CNTN3: variants seen among roughly 807,000 people sequenced by gnomAD.
CNTN3 encodes the protein contactin 3.
A neutral mutation model predicts 119.1 loss-of-function variants in CNTN3; 60 were observed. That is an observed-to-expected ratio of 0.50 (90% confidence interval 0.41 to 0.62). The LOEUF (loss-of-function observed/expected upper bound fraction) is 0.62. Ranked by LOEUF, CNTN3 falls within the 20% of genes least tolerant of loss-of-function variation. The probability of loss-of-function intolerance (pLI) is 0.00; values close to 1 mark genes in which losing one functional copy is unlikely to be tolerated. For missense variants in CNTN3, 1,101 were observed against 1,242.4 expected (o/e 0.89, Z 1.71); for synonymous variants, 450 against 438.7 (o/e 1.03, Z -0.32).
At chr3:74,325,592 T>C (rs1280258379) in intron 13 of CNTN3, among the ~76,000 whole-genome samples, 1 of 152,106 alleles carries the variant, frequency 6.6e-6, no homozygotes, top group African/African-American at 2.4e-5. Flanking sequence ...GGAATATAAA[T>C]AGCTGCAGCT....
chr3:74,381,023 T>A (rs2106810012), intron 5 of CNTN3, among the ~76,000 whole-genome samples: 1 of 151,880 alleles, frequency 6.6e-6, no homozygotes, highest in South Asian at 2.1e-4. Context: ...CCAGGGACAA[T>A]GAACGACTCC....
At position 74,571,220 on chromosome 3, in the gene CNTN3, C is replaced by T. The variant is rs559318226; in HGVS notation, c.-81+43171G>A. 2.5e-3 allele frequency among the ~76,000 whole-genome samples: 385 copies of T among 152,282 alleles called. 2 individuals carry two copies. The highest frequency in any genetic ancestry group is 9.1e-3 in the African/African-American group (376 of 41,544). Reference sequence around the variant, plus strand: ...AGTGTTGAATATCATTTCTGCACATCATAAGCATCACCGTACTGCAGATAG... The same window carrying T: ...AGTGTTGAATATCATTTCTGCACATTATAAGCATCACCGTACTGCAGATAG... On this transcript the variant is annotated intron_variant, in intron 1 of 22. Coordinates refer to ENST00000263665, the MANE Select transcript of CNTN3 (RefSeq NM_020872.3).
At chr3:74,317,696 T>A (rs1101687) in intron 13 of CNTN3, among the ~76,000 whole-genome samples, 10 of 151,986 alleles carry the variant, frequency 6.6e-5, no homozygotes, top group Non-Finnish European at 1.3e-4. Flanking sequence ...AGAGTTTCTG[T>A]GGAGAGATCA....
intron 1 of CNTN3, among the ~76,000 whole-genome samples, chr3:74,600,816 A>AT (rs1704898035): frequency 1.3e-5 from 2 of 152,104 alleles, no homozygotes; most frequent in South Asian, 4.2e-4. Context: ...GCCAGGCCAG[A>AT]TTTTTTCAAC....
rs1702861262 is a variant in CNTN3 at position 74,486,505 on chromosome 3, T to A, written c.309A>T (p.Thr103=). 1.2e-6 allele frequency: 2 copies of A among 1,607,148 alleles called. No individual in the cohort carries two copies. Among genetic ancestry groups the A allele is most frequent in the South Asian group, 1.1e-5 (1 of 89,066 alleles). ...WDTGTYQCFA[T]NSLGTIVSRE... ...TGCTGACAATTGTTCCAAGTGAATT[T>A]GTTGCAAAACATTGGTAAGTTCCTG... Residue 103 remains threonine, a synonymous_variant, in exon 4 of 23, where the codon ACA becomes ACT. Transcript: ENST00000263665.
intron 19 of CNTN3, among the ~76,000 whole-genome samples, chr3:74,294,079 G>A (rs535362223): frequency 6.6e-6 from 1 of 152,294 alleles, no homozygotes; most frequent in South Asian, 2.1e-4. Flanking sequence ...GTTGGCAAGT[G>A]GAGGGGTATG....
At chr3:74,338,967 G>A (rs1275043863) in intron 11 of CNTN3, among the ~76,000 whole-genome samples, 4 of 151,952 alleles carry the variant, frequency 2.6e-5, no homozygotes, top group Non-Finnish European at 5.9e-5. Flanking sequence ...AGTGTGAAAT[G>A]CCTCCCATAA....
At chr3:74,510,754 G>A (rs1399581142) in intron 2 of CNTN3, among the ~76,000 whole-genome samples, 1 of 152,024 alleles carries the variant, frequency 6.6e-6, no homozygotes, top group Non-Finnish European at 1.5e-5. Flanking sequence ...CCAAATCTAT[G>A]AGAAATCATT....
chr3:74,308,894 A>G (rs1559695091), intron 13 of CNTN3, among the ~76,000 whole-genome samples: 1 of 152,190 alleles, frequency 6.6e-6, no homozygotes. Flanking sequence ...GCTCACCAAA[A>G]TAATAGTTAC....
At chr3:74,542,226 T>C (rs1703851851) in intron 1 of CNTN3, among the ~76,000 whole-genome samples, 1 of 152,052 alleles carries the variant, frequency 6.6e-6, no homozygotes, top group Admixed American at 6.6e-5. Flanking sequence ...AAAAATAAAA[T>C]AATTTTTTAA....
At chr3:74,359,904 A>C (rs1283012811) in intron 11 of CNTN3, among the ~76,000 whole-genome samples, 1 of 152,214 alleles carries the variant, frequency 6.6e-6, no homozygotes, top group African/African-American at 2.4e-5. Flanking sequence ...CATAGCCAAA[A>C]TTAACTAGTT....
intron 19 of CNTN3, among the ~76,000 whole-genome samples, chr3:74,289,937 G>A (rs963039938): frequency 3.3e-5 from 5 of 152,162 alleles, no homozygotes; most frequent in African/African-American, 1.2e-4. Flanking sequence ...TTCTAAAATG[G>A]TGTGGACTTA....
intron 1 of CNTN3, among the ~76,000 whole-genome samples, chr3:74,551,417 G>A (rs1703988355): frequency 6.6e-6 from 1 of 151,938 alleles, no homozygotes; most frequent in Non-Finnish European, 1.5e-5. Context: ...TCCTCCCCGA[G>A]TATCAATATC....
chr3:74,510,373 C>G (rs1207955226), intron 2 of CNTN3, among the ~76,000 whole-genome samples: 6 of 151,982 alleles, frequency 3.9e-5, no homozygotes, highest in African/African-American at 1.2e-4. Context: ...AGGCAGTTTG[C>G]AGATTCTTGA....
chr3:74,436,061 A>C (rs1380206118), intron 4 of CNTN3, among the ~76,000 whole-genome samples: 1 of 152,168 alleles, frequency 6.6e-6, no homozygotes, highest in Non-Finnish European at 1.5e-5. Context: ...TCAATTATTC[A>C]ACAGATGTGT....
chr3:74,590,042 G>C (rs1342763215), intron 1 of CNTN3, among the ~76,000 whole-genome samples: 1 of 151,182 alleles, frequency 6.6e-6, no homozygotes, highest in African/African-American at 2.4e-5. Context: ...TCACCAGCAT[G>C]GCACATGTAT....
chr3:74,290,298 G>A (rs1419816442), intron 19 of CNTN3, among the ~76,000 whole-genome samples: 1 of 152,174 alleles, frequency 6.6e-6, no homozygotes, highest in Non-Finnish European at 1.5e-5. Flanking sequence ...GTAGGCAAGT[G>A]TAACACAATT....
At chr3:74,573,211 C>A (rs1201812970) in intron 1 of CNTN3, among the ~76,000 whole-genome samples, 1 of 151,996 alleles carries the variant, frequency 6.6e-6, no homozygotes, top group Non-Finnish European at 1.5e-5. Flanking sequence ...TCTAGGACAC[C>A]CCAGGCCTCA....
At chr3:74,529,948 G>A (rs1016497389) in intron 1 of CNTN3, among the ~76,000 whole-genome samples, 2 of 146,132 alleles carry the variant, frequency 1.4e-5, no homozygotes, top group African/African-American at 5.1e-5. Context: ...AAGTGCTAAC[G>A]AGAACTTTTT....
Sources: gnomAD v4.1 joint callset for allele counts (sites outside exome capture counted in the v4.1 genomes callset) on GRCh38, gnomAD v4.1.1 for gene constraint, MANE v1.5 for transcripts, NCBI Gene and HGNC (gene_info 2026-07-23, HGNC 2026-07-21) for gene names.